The following L3HYPDH variants were observed in gnomAD, a reference collection of about 807,000 sequenced individuals.
L3HYPDH encodes trans-3-hydroxy-L-proline dehydratase.
In L3HYPDH, 32 loss-of-function variants were observed where a neutral mutation model predicts 26.5. The observed-to-expected ratio is 1.21, with a 90% CI of 0.91 to 1.62. The LOEUF is 1.62. Among genes scored for constraint, L3HYPDH ranks in the 40% most tolerant of loss-of-function variants. L3HYPDH has a pLI of 0.00. For synonymous variants in L3HYPDH, 215 were observed against 196.6 expected (o/e 1.09, Z -0.78); for missense variants, 554 against 476.4 (o/e 1.16, Z -1.52).
intron 1 of L3HYPDH, among the ~76,000 whole-genome samples, chr14:59,480,364 A>G (rs1255409714): frequency 1.3e-5 from 2 of 152,238 alleles, no homozygotes; most frequent in African/African-American, 4.8e-5. Flanking sequence ...GAGGCAGTGC[A>G]GAGGGCAAGG....
At chr14:59,466,522 A>T (rs1889184108) in intron 1 of L3HYPDH, among the ~76,000 whole-genome samples, 2 of 152,194 alleles carry the variant, frequency 1.3e-5, no homozygotes, top group South Asian at 4.1e-4. Flanking sequence ...GATACCCCTG[A>T]TCTACTGAAA....
upstream of L3HYPDH, among the ~76,000 whole-genome samples, chr14:59,487,002 A>C (rs1246866786): frequency 1.3e-5 from 2 of 152,202 alleles, no homozygotes; most frequent in Non-Finnish European, 2.9e-5. Context: ...GGAGTTCGAG[A>C]CCAGCCTGAC....
At chr14:59,481,775 A>G (rs990461503) in intron 1 of L3HYPDH, among the ~76,000 whole-genome samples, 4 of 152,232 alleles carry the variant, frequency 2.6e-5, no homozygotes, top group Admixed American at 2.6e-4. Flanking sequence ...AAAAAATTTT[A>G]AGGATGAGAG....
the L3HYPDH span, chr14:59,501,179 C>T: frequency 6.6e-7 from 1 of 1,520,798 alleles, no homozygotes. Context: ...AATACCAATG[C>T]TTATCTTTCA....
At chr14:59,466,690 AT>A (rs1292797077) in intron 1 of L3HYPDH, among the ~76,000 whole-genome samples, 38 of 152,362 alleles carry the variant, frequency 2.5e-4, no homozygotes, top group African/African-American at 9.1e-4. Flanking sequence ...TTCAGAAAAA[AT>A]ATCCTACAGG....
At chr14:59,466,149 C>G (rs1566554378) in intron 1 of L3HYPDH, among the ~76,000 whole-genome samples, 1 of 152,202 alleles carries the variant, frequency 6.6e-6, no homozygotes. Context: ...CCTCAGGCCC[C>G]TACTGGCTGA....
chr14:59,473,741 G>A (rs1481923530), intron 4 of L3HYPDH, among the ~76,000 whole-genome samples: 3 of 152,170 alleles, frequency 2.0e-5, no homozygotes, highest in South Asian at 4.2e-4. Flanking sequence ...ATCAGTAGAT[G>A]GTTGAGAACT....
the L3HYPDH span, among the ~76,000 whole-genome samples, chr14:59,501,675 T>G: frequency 1.3e-5 from 2 of 152,216 alleles, no homozygotes; most frequent in African/African-American, 4.8e-5. Flanking sequence ...AATTGTGCAT[T>G]CCATATCCTT....
At chr14:59,489,044 T>C (rs1890793171), upstream of L3HYPDH, among the ~76,000 whole-genome samples, 1 of 152,280 alleles carries the variant, frequency 6.6e-6, no homozygotes, top group Admixed American at 6.5e-5. Flanking sequence ...TGTTGGCTAT[T>C]AGCACTTGGC....
chr14:59,473,521 TAGTG>T (rs1354379345), intron 4 of L3HYPDH, among the ~76,000 whole-genome samples: 2 of 152,288 alleles, frequency 1.3e-5, no homozygotes, highest in African/African-American at 4.8e-5. Context: ...GAAATGATGC[TAGTG>T]ATGCCATTAA....
At chr14:59,479,503 A>T (rs1413724624) in intron 1 of L3HYPDH, 152 bp from the exon 2 acceptor site, 2 of 711,662 alleles carry the variant, frequency 2.8e-6, no homozygotes, top group Admixed American at 3.0e-5. Context: ...TTTTAAATGA[A>T]TAAGCATCGA....
chr14:59,495,173 G>T, the L3HYPDH span: 2 of 1,613,792 alleles, frequency 1.2e-6, no homozygotes, highest in Non-Finnish European at 1.7e-6. Context: ...TACAACCCAA[G>T]TCCAGATTAC....
chr14:59,484,368 G>C lies in L3HYPDH; in HGVS notation c.-52C>G. On this transcript the variant is annotated 5_prime_UTR_variant, in exon 1 of 5. Transcript: ENST00000247194. ...GTCCCGCAGCTATGGCTTCAAGCCCGACCCTCACCCACTGACTCCGCGGGA... is the reference window on the plus strand; with the variant it reads ...GTCCCGCAGCTATGGCTTCAAGCCCCACCCTCACCCACTGACTCCGCGGGA... 2.0e-6 allele frequency: 3 copies of C among 1,520,860 alleles called. No individual in the cohort carries two copies. Among genetic ancestry groups the C allele is most frequent in the African/African-American group, 1.4e-5 (1 of 73,256 alleles). The allele number at this position is 1,520,860 out of a possible 1,614,324, so 94.2% of individuals were successfully genotyped here.
chr14:59,499,164 C>T, the L3HYPDH span, among the ~76,000 whole-genome samples: 3 of 151,546 alleles, frequency 2.0e-5, no homozygotes, highest in African/African-American at 7.3e-5. Context: ...GCTGGGACTA[C>T]AGGCATGTGC....
upstream of L3HYPDH, chr14:59,484,731 G>T (rs913276976): frequency 2.8e-5 from 32 of 1,159,498 alleles, no homozygotes; most frequent in Middle Eastern, 6.3e-4. Context: ...GCCCGCCCTC[G>T]GGCCGGGCTC....
the L3HYPDH span, among the ~76,000 whole-genome samples, chr14:59,500,453 AGTG>A: frequency 3.3e-5 from 5 of 152,226 alleles, no homozygotes; most frequent in African/African-American, 9.6e-5. Flanking sequence ...TTAAGAGAAA[AGTG>A]GTGTTTTAGA....
Position 59,472,969 on chromosome 14 carries a change from T to C in L3HYPDH, c.1061A>G (p.Lys354Arg), listed in dbSNP as rs759471401. 5 of 1,593,864 alleles carry C rather than the reference T, an allele frequency of 3.1e-6. No homozygotes were observed. The highest frequency in any genetic ancestry group is 4.5e-5 in the East Asian group (2 of 44,236). Residue 354 changes from lysine to arginine, a missense_variant, in exon 5 of 5, where the codon AAG becomes AGG. By Grantham distance (26) the Lys-to-Arg change is conservative. Transcript: ENST00000247194. ...DDPLRDGFLL[K>R] ...CCCTTAAAATCATGGAAGAAGTCAC[T>C]TGAGAAGAAATCCATCCCTCAATGG...
the L3HYPDH span, chr14:59,501,058 CTTAGG>C: frequency 1.6e-6 from 1 of 609,244 alleles, no homozygotes; most frequent in Non-Finnish European, 2.8e-6. Context: ...GCCTCAGAAC[CTTAGG>C]TTGTAAGTCT....
the L3HYPDH span, chr14:59,498,909 G>T: frequency 6.4e-7 from 1 of 1,563,828 alleles, no homozygotes; most frequent in Non-Finnish European, 8.7e-7. Flanking sequence ...GGCCTTTTAT[G>T]TAAGTTTGAT....
Sources: gnomAD v4.1 joint callset for allele counts (sites outside exome capture counted in the v4.1 genomes callset) on GRCh38, gnomAD v4.1.1 for gene constraint, MANE v1.5 for transcripts, NCBI Gene and HGNC (gene_info 2026-07-23, HGNC 2026-07-21) for gene names.